The following ORC3 variants were observed in gnomAD, a reference collection of about 807,000 sequenced individuals.
ORC3 encodes the protein homolog of latheo, Drosophila.
In ORC3, 78 loss-of-function variants were observed where a neutral mutation model predicts 100.7. That is an observed-to-expected ratio of 0.77 (90% CI 0.65 to 0.94). The LOEUF (loss-of-function observed/expected upper bound fraction) is 0.94, where lower values mean the gene tolerates loss of function less well. Ranked by LOEUF, ORC3 falls within the 40% of genes least tolerant of loss-of-function variation. ORC3 has a pLI of 0.00. For missense variants in ORC3, 789 were observed against 823.9 expected (o/e 0.96, Z 0.52); for synonymous variants, 295 against 289.3 (o/e 1.02, Z -0.20).
intron 6 of ORC3, 54 bp downstream of exon 6, chr6:87,607,878 C>T (rs1778463604): frequency 6.9e-6 from 9 of 1,313,014 alleles, no homozygotes; most frequent in Non-Finnish European, 6.5e-6. Context: ...ATTGATGTGG[C>T]TTGGAATAAT....
chr6:87,656,586 GA>G (rs950042333), intron 14 of ORC3, among the ~76,000 whole-genome samples: 18 of 148,932 alleles, frequency 1.2e-4, no homozygotes, highest in East Asian at 3.9e-4. Context: ...GACTCCATCT[GA>G]AAAAAAAAAA....
chr6:87,617,771 A>T (rs2128260969), intron 9 of ORC3, among the ~76,000 whole-genome samples: 1 of 152,246 alleles, frequency 6.6e-6, no homozygotes, highest in East Asian at 1.9e-4. Context: ...TTAAAAACCT[A>T]TATATGTATT....
chr6:87,659,735 A>G (rs28381531), intron 16 of ORC3, among the ~76,000 whole-genome samples: 2,072 of 152,138 alleles, frequency 0.014, 21 homozygotes, highest in Non-Finnish European at 0.022. Flanking sequence ...TACGAAAAAT[A>G]GCTGGGCATG....
At chr6:87,592,028 G>C (rs1410490443) in intron 1 of ORC3, among the ~76,000 whole-genome samples, 3 of 152,196 alleles carry the variant, frequency 2.0e-5, no homozygotes, top group Non-Finnish European at 2.9e-5. Context: ...ACCACGCCCG[G>C]TCCTTAAACA....
intron 13 of ORC3, among the ~76,000 whole-genome samples, chr6:87,642,124 C>T (rs972147341): frequency 2.0e-5 from 3 of 152,082 alleles, no homozygotes; most frequent in Non-Finnish European, 4.4e-5. Context: ...GGAGAAACCC[C>T]ATCTCTACAA....
chr6:87,635,947 ATTT>A (rs200376034), intron 12 of ORC3, among the ~76,000 whole-genome samples: 3 of 138,928 alleles, frequency 2.2e-5, no homozygotes, highest in African/African-American at 2.7e-5. Context: ...TATAAATTGC[ATTT>A]TTTTTTTTTT....
At chr6:87,633,391 G>GCC (rs1767579145) in intron 11 of ORC3, among the ~76,000 whole-genome samples, 3 of 152,194 alleles carry the variant, frequency 2.0e-5, no homozygotes, top group Admixed American at 6.5e-5. Flanking sequence ...CTTTTGTTAT[G>GCC]ATAGGAGATT....
chr6:87,612,346 C>A (rs944876553), intron 8 of ORC3, 98 bp downstream of exon 8: 5 of 680,622 alleles, frequency 7.3e-6, no homozygotes, highest in Non-Finnish European at 1.2e-5. Context: ...CTACAACTCT[C>A]TGAGTACTAT....
At chr6:87,601,560 C>G (rs1369286117) in intron 2 of ORC3, among the ~76,000 whole-genome samples, 1 of 151,952 alleles carries the variant, frequency 6.6e-6, no homozygotes, top group Non-Finnish European at 1.5e-5. Context: ...GTCACAGCCA[C>G]TCGGGAGGCT....
intron 2 of ORC3, among the ~76,000 whole-genome samples, chr6:87,595,615 C>T (rs1388725059): frequency 6.6e-6 from 1 of 152,140 alleles, no homozygotes; most frequent in African/African-American, 2.4e-5. Context: ...CCAGTTTGCA[C>T]CCTCCATCAT....
intron 16 of ORC3, among the ~76,000 whole-genome samples, chr6:87,662,618 ATTTAC>A (rs1161678328): frequency 1.3e-5 from 2 of 152,164 alleles, no homozygotes; most frequent in African/African-American, 4.8e-5. Context: ...CTGTTTTCTC[ATTTAC>A]TTTAAGAAAT....
Position 87,667,117 on chromosome 6 carries a change from C to T in ORC3, c.2130C>T (p.Gly710=), listed in dbSNP as rs758575660. Residue 710 remains glycine (G), a synonymous_variant, in exon 20 of 20, where the codon GGC becomes GGT. Coordinates refer to ENST00000392844, the MANE Select transcript of ORC3 (RefSeq NM_012381.4). Reference sequence around the variant, plus strand: ...ATGTGGCAAGACTAACATGGGGAGGCTGCTAGAAAGCAAATAAGCAAAGCC... The same window carrying T: ...ATGTGGCAAGACTAACATGGGGAGGTTGCTAGAAAGCAAATAAGCAAAGCC... ...TDHVARLTWG[G]C The T allele has an allele frequency of 2.9e-5, 46 of 1,589,886 alleles. No homozygotes were observed. The highest frequency in any genetic ancestry group is 1.0e-4 in the South Asian group (9 of 88,802).
chr6:87,621,767 G>A (rs934074781), intron 10 of ORC3, among the ~76,000 whole-genome samples, 183 bp from the exon 11 acceptor site: 6 of 152,132 alleles, frequency 3.9e-5, no homozygotes, highest in East Asian at 3.9e-4. Context: ...AGACTATGAA[G>A]TCCAGCTGAT....
chr6:87,593,353 G>T (rs1777183962), intron 1 of ORC3, among the ~76,000 whole-genome samples: 1 of 152,202 alleles, frequency 6.6e-6, no homozygotes, highest in Admixed American at 6.5e-5. Context: ...TACAGTTTGT[G>T]CTTGAAGGCA....
At chr6:87,630,708 A>T (rs1767339514) in intron 11 of ORC3, among the ~76,000 whole-genome samples, 1 of 152,152 alleles carries the variant, frequency 6.6e-6, no homozygotes, top group South Asian at 2.1e-4. Context: ...TTAAATAAGG[A>T]CCTGACTGAG....
In ORC3 at chr6:87,621,445, A is replaced by G; in HGVS notation, c.1079A>G (p.Asn360Ser). 1 of 1,603,548 alleles carries G rather than the reference A, an allele frequency of 6.2e-7. No individual in the cohort carries two copies. The highest frequency in any genetic ancestry group is 8.5e-7 in the Non-Finnish European group (1 of 1,175,522). ...AAAAGAAGAATAAATTTTTTATCAA[A>G]TAATCAATGTGAAAACATCCGACGT... ...EAKRRINFLS[N>S]NQCENIRRLP... Residue 360 changes from asparagine (N) to serine (S), a missense_variant, in exon 10 of 20, where the codon AAT becomes AGT. By Grantham distance (46) the Asn-to-Ser change is conservative (BLOSUM62 1). Coordinates refer to ENST00000392844, the MANE Select transcript of ORC3 (RefSeq NM_012381.4).
Position 87,638,098 on chromosome 6 carries a change from C to G in ORC3, c.1382+1612C>G, listed in dbSNP as rs193123037. ...AGATCTAAAATATGGATTTGGAGAT[C>G]TGAGTACAGCAGAAGCAAAAAATAG... On this transcript the variant is annotated intron_variant, in intron 13 of 19. Transcript: ENST00000392844. 2.1e-3 allele frequency among the ~76,000 whole-genome samples: 318 copies of G among 152,268 alleles called. 1 individual carries two copies. The highest frequency in any genetic ancestry group is 3.1e-3 in the South Asian group (15 of 4,818).
At chr6:87,666,455 TGAG>T (rs1770638353) in intron 19 of ORC3, among the ~76,000 whole-genome samples, 1 of 148,036 alleles carries the variant, frequency 6.8e-6, no homozygotes, top group African/African-American at 2.5e-5. Context: ...TTTTTTTTTT[TGAG>T]ACAGAGTTTT....
At chr6:87,630,134 A>G (rs772235280) in intron 11 of ORC3, among the ~76,000 whole-genome samples, 1 of 152,218 alleles carries the variant, frequency 6.6e-6, no homozygotes, top group Admixed American at 6.5e-5. Flanking sequence ...GCTCTTACTT[A>G]AAAGAGAGAC....
Sources: allele counts gnomAD v4.1 joint callset (sites outside exome capture counted in the v4.1 genomes callset), GRCh38; gene constraint gnomAD v4.1.1; transcripts MANE v1.5; gene names NCBI Gene and HGNC (gene_info 2026-07-23, HGNC 2026-07-21).